The following CFTR variants were observed in gnomAD, a reference collection of about 807,000 sequenced individuals.
CFTR encodes the protein CF transmembrane conductance regulator.
In CFTR, 181 loss-of-function variants were observed where a neutral mutation model predicts 171.6. That is an observed-to-expected ratio of 1.05 (90% CI 0.93 to 1.19). The LOEUF (loss-of-function observed/expected upper bound fraction) is 1.19. Among genes scored for constraint, CFTR ranks in the 50% most tolerant of loss-of-function variants. CFTR has a pLI of 0.00. For missense variants in CFTR, 1,968 were observed against 1,734.7 expected (o/e 1.13, Z -2.39); for synonymous variants, 583 against 608.0 (o/e 0.96, Z 0.60).
At chr7:117,656,250 G>C (rs1639311297) in intron 24 of CFTR, among the ~76,000 whole-genome samples, 1 of 152,116 alleles carries the variant, frequency 6.6e-6, no homozygotes, top group African/African-American at 2.4e-5. Context: ...CAAGAAGGAG[G>C]CTTTGGTTTG....
At chr7:117,508,139 A>G (rs1798452835) in intron 2 of CFTR, among the ~76,000 whole-genome samples, 1 of 152,228 alleles carries the variant, frequency 6.6e-6, no homozygotes, top group African/African-American at 2.4e-5. Flanking sequence ...AATGGGAATA[A>G]CCACTGATGA....
At chr7:117,556,639 C>T (rs1799363815) in intron 10 of CFTR, among the ~76,000 whole-genome samples, 1 of 147,214 alleles carries the variant, frequency 6.8e-6, no homozygotes, top group South Asian at 2.2e-4. Context: ...CCTGCCTCAG[C>T]CTCCCAAGTA....
In CFTR at chr7:117,587,311, C is replaced by G. The variant is rs140904990; in HGVS notation, c.1585-428C>G. Among the ~76,000 whole-genome samples the G allele has an allele frequency of 9.6e-4, 146 of 152,176 alleles. 1 individual carries two copies. Among genetic ancestry groups the G allele is most frequent in the Non-Finnish European group, 1.1e-3 (76 of 67,992 alleles). On this transcript the variant is annotated intron_variant, in intron 11 of 26. Transcript: ENST00000003084. ...GGTGTGAATAATGTTCTTTTAGTTTCTCTTCTTAGGAGGTTTGTTCATTTT... is the reference window on the plus strand; with the variant it reads ...GGTGTGAATAATGTTCTTTTAGTTTGTCTTCTTAGGAGGTTTGTTCATTTT...
intron 11 of CFTR, among the ~76,000 whole-genome samples, chr7:117,584,571 T>C (rs952389404): frequency 6.6e-6 from 1 of 152,224 alleles, no homozygotes; most frequent in Non-Finnish European, 1.5e-5. Flanking sequence ...TTAGTAACTA[T>C]AGCCTTGTAG....
chr7:117,490,164 A>G (rs1562878789), intron 1 of CFTR, among the ~76,000 whole-genome samples: 4 of 151,946 alleles, frequency 2.6e-5, no homozygotes, highest in Admixed American at 2.6e-4. Flanking sequence ...TAGGCAATTT[A>G]CTTAATCTCT....
intron 22 of CFTR, among the ~76,000 whole-genome samples, chr7:117,638,716 AC>A (rs1305532346): frequency 6.6e-6 from 1 of 151,006 alleles, no homozygotes; most frequent in Non-Finnish European, 1.5e-5. Context: ...AGCCTGGGTG[AC>A]AAGAGCAAAA....
In CFTR at chr7:117,603,708, CG is replaced by C; in HGVS notation, c.2835del (p.Ile947PhefsTer21). ...CTGGTGCATACTCTAATCACAGTGTCGAAAATTTTACACCACAAAATGTTAC... is the reference window on the plus strand; with the variant it reads ...CTGGTGCATACTCTAATCACAGTGTCAAAATTTTACACCACAAAATGTTAC... ...LPLVHTLITV[S>X]KILHHKMLHS... On this transcript the variant is annotated frameshift_variant, in exon 17 of 27. Coordinates refer to ENST00000003084, the MANE Select transcript of CFTR (RefSeq NM_000492.4). LOFTEE classifies it high-confidence loss of function. The C allele has an allele frequency of 6.2e-7, 1 of 1,614,012 alleles. No homozygotes were observed. The highest frequency in any genetic ancestry group is 8.5e-7 in the Non-Finnish European group (1 of 1,179,938).
chr7:117,647,310 A>G (rs907133759), intron 23 of CFTR: 2 of 152,128 alleles, frequency 1.3e-5, no homozygotes, highest in South Asian at 2.1e-4. Context: ...AAATACCGGA[A>G]ACTGGGTAAT....
Position 117,633,643 on chromosome 7 carries a change from G to GT in CFTR, c.3717+5885dup, listed in dbSNP as rs965265631. Among the ~76,000 whole-genome samples, 119 of 144,964 alleles carry GT rather than the reference G, an allele frequency of 8.2e-4. 1 individual carries two copies. The highest frequency in any genetic ancestry group is 3.6e-3 in the Middle Eastern group (1 of 276). On this transcript the variant is annotated intron_variant, in intron 22 of 26. Coordinates refer to ENST00000003084, the MANE Select transcript of CFTR (RefSeq NM_000492.4). ...TTTTAGCTGGAGGGTTTTTGTAGAA[G>GT]TTTTTTTTTTTTAAGTTGAAGAAGT...
At chr7:117,539,042 C>T (rs988609603) in intron 7 of CFTR, among the ~76,000 whole-genome samples, 1 of 152,138 alleles carries the variant, frequency 6.6e-6, no homozygotes, top group African/African-American at 2.4e-5. Flanking sequence ...ATGCCAGGTA[C>T]CCACATGCAC....
At chr7:117,664,932 C>T (rs1269794649) in intron 25 of CFTR, 72 bp downstream of exon 25, 1 of 1,497,444 alleles carries the variant, frequency 6.7e-7, no homozygotes, top group Non-Finnish European at 9.3e-7. Context: ...CATGGTGACA[C>T]ATATTTCTAT....
intron 20 of CFTR, 42 bp from the exon 21 acceptor site, chr7:117,614,571 G>T: frequency 7.8e-7 from 1 of 1,276,374 alleles, no homozygotes. Flanking sequence ...ACAGAAGAGA[G>T]AAATAACATG....
At chr7:117,593,726 G>T (rs1349494793) in intron 14 of CFTR, among the ~76,000 whole-genome samples, 1 of 152,086 alleles carries the variant, frequency 6.6e-6, no homozygotes, top group East Asian at 1.9e-4. Context: ...CTCCTGAGTA[G>T]CTGAGATTAC....
chr7:117,590,211 C>G, intron 12 of CFTR, 142 bp from the exon 13 acceptor site: 1 of 940,552 alleles, frequency 1.1e-6, no homozygotes, highest in Non-Finnish European at 1.5e-6. Context: ...TTCTGCACCA[C>G]TTTTGAGAAT....
chr7:117,555,364 A>T (rs1799334477), intron 10 of CFTR, among the ~76,000 whole-genome samples: 1 of 152,204 alleles, frequency 6.6e-6, no homozygotes, highest in South Asian at 2.1e-4. Context: ...TAATTGTAGT[A>T]CATATGGTAC....
At chr7:117,627,960 C>T (rs1792681366) in intron 22 of CFTR, 190 bp downstream of exon 22, 1 of 592,222 alleles carries the variant, frequency 1.7e-6, no homozygotes, top group Non-Finnish European at 2.9e-6. Context: ...AGTCCTGAAC[C>T]TATATAATGG....
intron 11 of CFTR, among the ~76,000 whole-genome samples, chr7:117,567,598 A>G (rs1791622768): frequency 6.6e-6 from 1 of 152,250 alleles, no homozygotes; most frequent in Non-Finnish European, 1.5e-5. Flanking sequence ...AGTTCCTAGT[A>G]TGGAAACATC....
At chr7:117,597,600 G>C (rs545875185) in intron 15 of CFTR, among the ~76,000 whole-genome samples, 1 of 152,208 alleles carries the variant, frequency 6.6e-6, no homozygotes, top group African/African-American at 2.4e-5. Flanking sequence ...AGCTGCTCTA[G>C]ATATTTTATT....
At chr7:117,543,420 C>T (rs1430363005) in intron 9 of CFTR, among the ~76,000 whole-genome samples, 2 of 152,114 alleles carry the variant, frequency 1.3e-5, no homozygotes, top group African/African-American at 4.8e-5. Context: ...TCATTATTTT[C>T]CTACTCTGGT....
Sources: gnomAD v4.1 joint callset for allele counts (sites outside exome capture counted in the v4.1 genomes callset) on GRCh38, gnomAD v4.1.1 for gene constraint, MANE v1.5 for transcripts, NCBI Gene and HGNC (gene_info 2026-07-23, HGNC 2026-07-21) for gene names.